Variants in SLC9B1 observed in about 807,000 individuals in gnomAD.
SLC9B1 encodes the protein solute carrier family 9 member B1.
SLC9B1 carries 32 observed loss-of-function variants against 51.7 expected under a neutral mutation model. That is an observed-to-expected ratio of 0.62 (90% confidence interval 0.47 to 0.83). The LOEUF (loss-of-function observed/expected upper bound fraction) is 0.83. Ranked by LOEUF, SLC9B1 falls within the 40% of genes least tolerant of loss-of-function variation. The probability of loss-of-function intolerance (pLI) is 0.00; values close to 1 mark genes in which losing one functional copy is unlikely to be tolerated. For synonymous variants in SLC9B1, 145 were observed against 212.7 expected (o/e 0.68, Z 2.77); for missense variants, 406 against 613.2 (o/e 0.66, Z 3.57).
At chr4:102,956,097 A>G (rs1405398432) in intron 3 of SLC9B1, among the ~76,000 whole-genome samples, 1 of 152,096 alleles carries the variant, frequency 6.6e-6, no homozygotes, top group East Asian at 1.9e-4. Context: ...CTGAGTACTG[A>G]GTCTCTAATG....
chr4:102,911,755 C>A (rs1004874073), intron 7 of SLC9B1, among the ~76,000 whole-genome samples: 2 of 152,048 alleles, frequency 1.3e-5, no homozygotes, highest in African/African-American at 4.8e-5. Context: ...ACACACAACT[C>A]AGAAATGTCC....
At chr4:102,943,735 A>G (rs1560942818) in intron 6 of SLC9B1, among the ~76,000 whole-genome samples, 1 of 152,150 alleles carries the variant, frequency 6.6e-6, no homozygotes, top group Non-Finnish European at 1.5e-5. Flanking sequence ...GGCTTTGGGG[A>G]CTTAGGGGGA....
chr4:102,889,986 G>A (rs1314528015), intron 11 of SLC9B1: 1 of 95,690 alleles, frequency 1.0e-5, no homozygotes, highest in African/African-American at 6.8e-5. Context: ...TTGTTACTGC[G>A]TCACATGATT....
At chr4:103,002,736 G>A (rs1041218552) in intron 1 of SLC9B1, among the ~76,000 whole-genome samples, 11 of 152,302 alleles carry the variant, frequency 7.2e-5, no homozygotes, top group Admixed American at 3.9e-4. Context: ...CCTCTGAGCA[G>A]CCCTATCCAT....
At chr4:102,918,411 C>T (rs1439158818) in intron 7 of SLC9B1, among the ~76,000 whole-genome samples, 3 of 152,138 alleles carry the variant, frequency 2.0e-5, no homozygotes, top group Non-Finnish European at 4.4e-5. Flanking sequence ...TCAAAAACCT[C>T]CCAGCAAACC....
intron 1 of SLC9B1, among the ~76,000 whole-genome samples, chr4:103,004,919 A>G (rs1740702013): frequency 6.6e-6 from 1 of 152,210 alleles, no homozygotes; most frequent in Admixed American, 6.5e-5. Context: ...GTGCCTTACA[A>G]GAGGTCCTGA....
chr4:102,979,704 T>A (rs2110508651), intron 3 of SLC9B1, among the ~76,000 whole-genome samples: 1 of 152,234 alleles, frequency 6.6e-6, no homozygotes, highest in East Asian at 1.9e-4. Flanking sequence ...GGAATGTGGA[T>A]ATTATTGTAT....
At chr4:102,896,255 G>A (rs1331378272), downstream of SLC9B1, among the ~76,000 whole-genome samples, 2 of 151,922 alleles carry the variant, frequency 1.3e-5, no homozygotes, top group Admixed American at 1.3e-4. Flanking sequence ...TGGCCCCCTT[G>A]CCTCAATCCT....
intron 3 of SLC9B1, among the ~76,000 whole-genome samples, chr4:102,967,677 T>C (rs537987848): frequency 7.9e-5 from 12 of 152,200 alleles, no homozygotes; most frequent in Admixed American, 2.0e-4. Flanking sequence ...AGTGTAAGAA[T>C]AGTACCAAGC....
At chr4:102,963,172 G>C (rs1349503796) in intron 3 of SLC9B1, 2 of 358,354 alleles carry the variant, frequency 5.6e-6, no homozygotes, top group African/African-American at 4.3e-5. Context: ...AGAGGTTCAG[G>C]TGGTAATCCA....
chr4:102,916,244 A>T (rs541301366), intron 7 of SLC9B1, among the ~76,000 whole-genome samples: 42 of 152,316 alleles, frequency 2.8e-4, no homozygotes, highest in Admixed American at 1.0e-3. Context: ...GAAAGGATGG[A>T]AAAAGATATT....
chr4:102,976,125 A>G (rs1739057696), intron 3 of SLC9B1, among the ~76,000 whole-genome samples: 1 of 152,214 alleles, frequency 6.6e-6, no homozygotes, highest in Admixed American at 6.5e-5. Flanking sequence ...GAGAGTGATC[A>G]TTGGTGTCAA....
intron 1 of SLC9B1, among the ~76,000 whole-genome samples, chr4:102,993,205 T>C (rs544974974): frequency 1.4e-4 from 22 of 152,266 alleles, no homozygotes; most frequent in African/African-American, 5.1e-4. Context: ...TCCAAAGTCT[T>C]GTCTGAGACA....
In SLC9B1 at chr4:102,956,279, C is replaced by T. The variant is rs183419263; in HGVS notation, c.212-6852G>A. Among the ~76,000 whole-genome samples the T allele has an allele frequency of 9.8e-4, 147 of 149,842 alleles. 2 individuals carry two copies. Among genetic ancestry groups the T allele is most frequent in the Admixed American group, 8.1e-3 (121 of 15,006 alleles). On this transcript the variant is annotated intron_variant, in intron 3 of 11. Coordinates refer to ENST00000296422, the MANE Select transcript of SLC9B1 (RefSeq NM_139173.4). ...CCCTTTGCTAATTTTGCTTTGTATC[C>T]ATTCACTATAATAAATTAAAAACCT...
At chr4:102,972,858 A>C (rs1385935531) in intron 3 of SLC9B1, among the ~76,000 whole-genome samples, 2 of 152,204 alleles carry the variant, frequency 1.3e-5, no homozygotes, top group Non-Finnish European at 2.9e-5. Flanking sequence ...GAGGGTGATC[A>C]AAATTAATGC....
intron 3 of SLC9B1, among the ~76,000 whole-genome samples, chr4:102,965,185 T>C (rs1342115655): frequency 6.6e-6 from 1 of 152,066 alleles, no homozygotes; most frequent in East Asian, 1.9e-4. Flanking sequence ...ATAAATGTCT[T>C]AGTTTGTTTT....
At chr4:102,895,873 A>C (rs1353505109) in intron 11 of SLC9B1, among the ~76,000 whole-genome samples, 1 of 152,250 alleles carries the variant, frequency 6.6e-6, no homozygotes, top group East Asian at 1.9e-4. Flanking sequence ...TGTAAATGAG[A>C]CAAGGATGGC....
intron 3 of SLC9B1, among the ~76,000 whole-genome samples, chr4:102,968,216 T>C (rs1260438296): frequency 6.6e-6 from 1 of 152,222 alleles, no homozygotes; most frequent in Non-Finnish European, 1.5e-5. Flanking sequence ...GTCAATTGAT[T>C]TTCATCAAAG....
Position 102,989,850 on chromosome 4 carries a change from G to A in SLC9B1, c.161C>T (p.Thr54Ile). The A allele has an allele frequency of 6.2e-7, 1 of 1,601,592 alleles. No homozygotes were observed. The highest frequency in any genetic ancestry group is 1.1e-5 in the South Asian group (1 of 89,922). The change falls in exon 3 of 12, where the codon ACA becomes ATA. Residue 54 changes from threonine to isoleucine, a missense_variant. This residue lies in a region of SLC9B1 where 108 missense variants were observed against 94.5 expected (regional missense o/e 1.14). Coordinates refer to ENST00000296422, the MANE Select transcript of SLC9B1 (RefSeq NM_139173.4). Reference protein sequence around the residue: ...EEIKPQTKKETYISCPLRGVL... With the variant: ...EEIKPQTKKEIYISCPLRGVL... ...TCCTCTTAGAGGACAAGAAATGTAT[G>A]TCTCCTTTTTTGTCTGTGGTTTTAT...
Sources: gnomAD v4.1 joint callset for allele counts (sites outside exome capture counted in the v4.1 genomes callset) on GRCh38, gnomAD v4.1.1 for gene constraint, gnomAD v4.1.1 regional missense constraint, MANE v1.5 for transcripts, NCBI Gene and HGNC (gene_info 2026-07-23, HGNC 2026-07-21) for gene names.